Variants in COL5A3 observed in about 807,000 individuals in gnomAD.
The protein encoded by COL5A3 is collagen alpha-3(V) chain.
In COL5A3, 172 loss-of-function variants were observed where a neutral mutation model predicts 250.0. The ratio of observed to expected loss-of-function variants is 0.69; its 90% CI spans 0.61 to 0.78. COL5A3 has a LOEUF of 0.78. Ranked by LOEUF, COL5A3 falls within the 30% of genes least tolerant of loss-of-function variation. The pLI is 0.00. For missense variants in COL5A3, 2,340 were observed against 2,334.4 expected, an observed-to-expected ratio of 1.00 and a Z score of -0.05; for synonymous variants, 937 against 900.4, an observed-to-expected ratio of 1.04 and a Z score of -0.73.
At position 9,960,312 on chromosome 19, in the gene COL5A3, A is replaced by G; in HGVS notation, c.*99T>C. On this transcript the variant is annotated 3_prime_UTR_variant, in exon 67 of 67. Coordinates refer to ENST00000264828, the MANE Select transcript of COL5A3 (RefSeq NM_015719.4). ...AGCGAAGTCACATCCCATTGGCTCC[A>G]TAGTCACAGGTAACGAAAAATACGG... The G allele has an allele frequency of 1.4e-6, 2 of 1,428,434 alleles. No homozygotes were observed. The highest frequency in any genetic ancestry group is 9.7e-7 in the Non-Finnish European group (1 of 1,031,432). 88.5% of individuals were successfully genotyped at this position (1,428,434 alleles called of 1,614,324 possible).
chr19:9,990,723 C>T lies in COL5A3; in HGVS notation c.1992+887G>A, dbSNP rs535743918. On this transcript the variant is annotated intron_variant, in intron 24 of 66. Transcript: ENST00000264828. ...GACTACAGGCGCGCGCCACCACGCC[C>T]GGCTAATTTTTTGGTATTTTTAGTA... Among the ~76,000 whole-genome samples the T allele has an allele frequency of 9.1e-4, 138 of 151,952 alleles. 1 individual carries two copies. In the Middle Eastern group the frequency reaches 0.01, roughly 11 times the overall value.
chr19:9,961,608 G>A (rs1350912206), intron 65 of COL5A3, among the ~76,000 whole-genome samples: 1 of 150,108 alleles, frequency 6.7e-6, no homozygotes, highest in Non-Finnish European at 1.5e-5. Flanking sequence ...GCCCAGGCTG[G>A]AGTGCAGTGG....
chr19:9,990,688 G>A (rs867327534), intron 24 of COL5A3, among the ~76,000 whole-genome samples: 4 of 151,630 alleles, frequency 2.6e-5, no homozygotes, highest in African/African-American at 7.3e-5. Context: ...TCAGCCTCCC[G>A]AGTAGCTGGG....
intron 8 of COL5A3, among the ~76,000 whole-genome samples, chr19:9,999,289 T>A (rs2087320391): frequency 1.3e-5 from 2 of 151,260 alleles, no homozygotes; most frequent in South Asian, 4.2e-4. Context: ...CTCCTCAGAC[T>A]CAGGTGATCC....
At position 9,988,441 on chromosome 19, in the gene COL5A3, A is replaced by G. The variant is rs144691199; in HGVS notation, c.2145+683T>C. Among the ~76,000 whole-genome samples, 642 of 152,262 alleles carry G rather than the reference A, an allele frequency of 4.2e-3. 4 individuals are homozygous for G. The highest frequency in any genetic ancestry group is 0.015 in the African/African-American group (632 of 41,544). On this transcript the variant is annotated intron_variant, in intron 27 of 66. Coordinates refer to ENST00000264828, the MANE Select transcript of COL5A3 (RefSeq NM_015719.4). Reference sequence around the variant, plus strand: ...CACTGGACTCAGCTTCCATATGGATATGAACTCTAATGCCCCTGCACCTCT... The same window carrying G: ...CACTGGACTCAGCTTCCATATGGATGTGAACTCTAATGCCCCTGCACCTCT...
At chr19:9,979,647 G>A (rs56116087) in intron 37 of COL5A3, among the ~76,000 whole-genome samples, 192 bp downstream of exon 37, 17,272 of 152,020 alleles carry the variant, frequency 0.11, 1,126 homozygotes, top group South Asian at 0.27. Context: ...AAAATTAGCC[G>A]GGCGTGGTGG....
chr19:9,980,079 C>T (rs745571935), intron 35 of COL5A3, 32 bp from the exon 36 acceptor site: 13 of 1,572,922 alleles, frequency 8.3e-6, no homozygotes, highest in Admixed American at 3.9e-5. Context: ...TGATCTCATC[C>T]CCCCTGCCTC....
Position 9,960,815 on chromosome 19 carries a change from C to T in COL5A3, c.4927G>A (p.Ala1643Thr). ...LNFLKLLSAT[A>T]RQNFTYSCQN... ...CAGGAGTAGGTGAAGTTCTGGCGAG[C>T]TGTGGCACTCAGCAGTTTCAGGAAG... Residue 1643 changes from alanine to threonine, a missense_variant, in exon 66 of 67, where the codon GCT (alanine) becomes ACT (threonine). Coordinates refer to ENST00000264828, the MANE Select transcript of COL5A3 (RefSeq NM_015719.4). 3 of 1,613,568 alleles carry T rather than the reference C, an allele frequency of 1.9e-6. No homozygotes were observed. The highest frequency in any genetic ancestry group is 8.5e-7 in the Non-Finnish European group (1 of 1,180,038).
Position 9,960,189 on chromosome 19 carries a change from A to G in COL5A3, c.*222T>C, listed in dbSNP as rs1004624727. On this transcript the variant is annotated 3_prime_UTR_variant, in exon 67 of 67. Coordinates refer to ENST00000264828, the MANE Select transcript of COL5A3 (RefSeq NM_015719.4). ...AGGGGAGAAAGAGCCAGACTGCAGT[A>G]TGCCACCTGGAATGGGGTGAGAGGA... 8.4e-6 allele frequency: 5 copies of G among 595,000 alleles called. No individual in the cohort carries two copies. The highest frequency in any genetic ancestry group is 7.5e-5 in the African/African-American group (4 of 53,614). 36.9% of individuals were successfully genotyped at this position (595,000 alleles called of 1,614,324 possible). A position where few individuals can be genotyped will look rare whatever the true frequency, so the allele number is the denominator to read the frequency against.
intron 51 of COL5A3, 103 bp from the exon 52 acceptor site, chr19:9,971,361 C>T: frequency 2.4e-6 from 2 of 850,142 alleles, no homozygotes; most frequent in Non-Finnish European, 3.6e-6. Flanking sequence ...TTTCTGGGGA[C>T]ACATTAGTGA....
rs993695094 is a variant in COL5A3 at position 9,978,592 on chromosome 19, T to C, written c.3000A>G (p.Pro1000=). Residue 1000 remains proline (P), a synonymous_variant, in exon 41 of 67, where the codon CCA becomes CCG. Transcript: ENST00000264828. ...TACTTACATTGGCCCCCACGGGCCC[T>C]GGGGGGCCCTTATCACCCTTTAAGC... ...PTGLKGDKGP[P]GPVGANGSPG... 2 of 1,575,900 alleles carry C rather than the reference T, an allele frequency of 1.3e-6. No individual in the cohort carries two copies. Among genetic ancestry groups the C allele is most frequent in the South Asian group, 2.3e-5 (2 of 87,006 alleles).
chr19:9,969,844 C>T, intron 55 of COL5A3, 25 bp downstream of exon 55: 3 of 1,613,310 alleles, frequency 1.9e-6, no homozygotes, highest in East Asian at 4.5e-5. Flanking sequence ...GTGCAGGGAC[C>T]CTTCCCCTTG....
chr19:9,996,176 C>A (rs768698967), intron 14 of COL5A3, 30 bp downstream of exon 14: 3 of 1,556,486 alleles, frequency 1.9e-6, no homozygotes, highest in Non-Finnish European at 2.6e-6. Context: ...AATGCATGCA[C>A]CGCCCCCTCC....
In COL5A3 at chr19:9,979,367, AG is replaced by A; in HGVS notation, c.2762del (p.Pro921LeufsTer11). 6.2e-7 allele frequency: 1 copy of A among 1,614,104 alleles called. No homozygotes were observed. Among genetic ancestry groups the A allele is most frequent in the African/African-American group, 1.3e-5 (1 of 75,026 alleles). ...GPPGPAGVLG[P>X]QGKTGEVGPL... The stretch of plus-strand genomic sequence containing the variant: ...GGTTTATGGAGTCCACTCTGACCTG[AG>A]GGCCTAAGACACCAGCTGGTCCAGG... On this transcript the variant is annotated frameshift_variant, in exon 38 of 67. Transcript: ENST00000264828. LOFTEE classifies it high-confidence loss of function.
chr19:10,004,715 G>T lies in COL5A3; in HGVS notation c.595-570C>A, dbSNP rs1365171698. Among the ~76,000 whole-genome samples, 4 of 152,240 alleles carry T rather than the reference G, an allele frequency of 2.6e-5. No individual in the cohort carries two copies. In the East Asian group the frequency reaches 7.7e-4, roughly 29 times the overall value. On this transcript the variant is annotated intron_variant, in intron 4 of 66. Transcript: ENST00000264828. ...ATAAGGAGGAACATGAGATAGATCA[G>T]GTCCCTGGCCTCCCAGAGGTGACAC...
intron 22 of COL5A3, 34 bp from the exon 23 acceptor site, chr19:9,991,875 A>C (rs1003871481): frequency 7.5e-6 from 12 of 1,602,664 alleles, no homozygotes; most frequent in Middle Eastern, 1.7e-4. Context: ...TGAAGCTAAG[A>C]GGGGTCATGG....
At chr19:9,977,142 AC>A in intron 44 of COL5A3, 86 bp downstream of exon 44, 1 of 1,317,776 alleles carries the variant, frequency 7.6e-7, no homozygotes. Context: ...GGCCTCTCCT[AC>A]CCCATGGAGA....
At chr19:9,992,917 CTGTG>C in intron 20 of COL5A3, 37 bp from the exon 21 acceptor site, 1 of 1,610,822 alleles carries the variant, frequency 6.2e-7, no homozygotes, top group South Asian at 1.1e-5. Flanking sequence ...CACATCACCT[CTGTG>C]TGGCCATGTG....
At chr19:9,991,510 T>A in intron 24 of COL5A3, 100 bp downstream of exon 24, 1 of 975,148 alleles carries the variant, frequency 1.0e-6, no homozygotes. Context: ...TCTATCACTA[T>A]CCAGAGCTAA....
Sources: allele counts gnomAD v4.1 joint callset (sites outside exome capture counted in the v4.1 genomes callset), GRCh38; gene constraint gnomAD v4.1.1; transcripts MANE v1.5; gene names NCBI Gene and HGNC (gene_info 2026-07-23, HGNC 2026-07-21).